The following SIPA1L3 variants were observed in gnomAD, a reference collection of about 807,000 sequenced individuals.
The protein encoded by SIPA1L3 is signal-induced proliferation-associated 1-like protein 3.
A neutral mutation model predicts 150.1 loss-of-function variants in SIPA1L3; 59 were observed. The observed-to-expected ratio is 0.39, with a 90% CI of 0.32 to 0.49. The LOEUF (loss-of-function observed/expected upper bound fraction) is 0.49. Among genes scored for constraint, SIPA1L3 ranks in the 20% least tolerant of loss-of-function variants. The probability of loss-of-function intolerance (pLI) is 0.86; values close to 1 mark genes in which losing one functional copy is unlikely to be tolerated. For synonymous variants in SIPA1L3, 1,070 were observed against 1,077.6 expected, an observed-to-expected ratio of 0.99 and a Z score of 0.14; for missense variants, 2,211 against 2,489.5, an observed-to-expected ratio of 0.89 and a Z score of 2.38.
Position 38,082,493 on chromosome 19 carries a change from C to T in SIPA1L3, c.928C>T (p.Pro310Ser), listed in dbSNP as rs1399743628. Residue 310 changes from proline to serine, a missense_variant, in exon 3 of 22, where the codon CCC (proline) becomes TCC (serine). By Grantham distance (74) the Pro-to-Ser change is moderately conservative. Coordinates refer to ENST00000222345, the MANE Select transcript of SIPA1L3 (RefSeq NM_015073.3). ...CTTTCGGAAGCTAAGGAGCAGCAAACCCGAGGGGGAGGCTGGGCGTTCCCC... is the reference window on the plus strand; with the variant it reads ...CTTTCGGAAGCTAAGGAGCAGCAAATCCGAGGGGGAGGCTGGGCGTTCCCC... ...SIFRKLRSSK[P>S]EGEAGRSPGE... 6.3e-7 allele frequency: 1 copy of T among 1,594,390 alleles called. No homozygotes were observed. Among genetic ancestry groups the T allele is most frequent in the African/African-American group, 1.3e-5 (1 of 74,634 alleles).
intron 2 of SIPA1L3, among the ~76,000 whole-genome samples, chr19:38,074,511 G>A (rs996965215): frequency 6.6e-6 from 1 of 152,232 alleles, no homozygotes; most frequent in African/African-American, 2.4e-5. Flanking sequence ...GACAGGCAGC[G>A]CCCTCAGGCG....
chr19:38,049,137 C>T (rs1969128529), intron 2 of SIPA1L3, among the ~76,000 whole-genome samples: 1 of 152,008 alleles, frequency 6.6e-6, no homozygotes, highest in Non-Finnish European at 1.5e-5. Flanking sequence ...CCAAAGACTA[C>T]TTGTCTGATG....
chr19:38,082,855 C>G lies in SIPA1L3; in HGVS notation c.1290C>G (p.Phe430Leu). ...SNDLLLSCPH[F>L]RNEIGGECER... ...ACCTGCTGCTCAGCTGCCCGCACTT[C>G]CGCAATGAGATCGGGGGCGAGTGTG... The change falls in exon 3 of 22, where the codon TTC becomes TTG. Residue 430 changes from phenylalanine to leucine, a missense_variant. Physicochemically the swap from Phe to Leu is conservative, Grantham distance 22 (BLOSUM62 0). Transcript: ENST00000222345. 1 of 1,613,704 alleles carries G rather than the reference C, an allele frequency of 6.2e-7. No individual in the cohort carries two copies. Among genetic ancestry groups the G allele is most frequent in the Non-Finnish European group, 8.5e-7 (1 of 1,179,922 alleles).
intron 1 of SIPA1L3, among the ~76,000 whole-genome samples, chr19:38,016,198 T>A (rs780305461): frequency 1.1e-4 from 16 of 152,242 alleles, no homozygotes; most frequent in Non-Finnish European, 1.9e-4. Flanking sequence ...GCTAGCCCCA[T>A]CTGGGTTTGT....
At chr19:37,963,539 G>A (rs183137430) in intron 1 of SIPA1L3, among the ~76,000 whole-genome samples, 165 of 152,354 alleles carry the variant, frequency 1.1e-3, no homozygotes, top group African/African-American at 3.9e-3. Flanking sequence ...GCTCTGCCTT[G>A]GTCAAACTGA....
At chr19:37,944,071 G>A (rs2046687009) in intron 1 of SIPA1L3, among the ~76,000 whole-genome samples, 1 of 152,126 alleles carries the variant, frequency 6.6e-6, no homozygotes, top group Middle Eastern at 3.2e-3. Context: ...GAGGTCAGGA[G>A]TTCGAGACCA....
At chr19:38,183,498 A>T (rs1482704143) in intron 16 of SIPA1L3, among the ~76,000 whole-genome samples, 1 of 152,130 alleles carries the variant, frequency 6.6e-6, no homozygotes, top group East Asian at 1.9e-4. Flanking sequence ...AGCCCGGAGG[A>T]CAGACTTGCC....
At chr19:37,977,200 T>G (rs1420690553) in intron 1 of SIPA1L3, among the ~76,000 whole-genome samples, 1 of 152,194 alleles carries the variant, frequency 6.6e-6, no homozygotes, top group Non-Finnish European at 1.5e-5. Flanking sequence ...AGGCTTGCTC[T>G]GTCGCCCAGG....
intron 15 of SIPA1L3, among the ~76,000 whole-genome samples, chr19:38,179,326 C>A (rs1157955913): frequency 6.6e-6 from 1 of 152,198 alleles, no homozygotes; most frequent in East Asian, 1.9e-4. Flanking sequence ...CCCGTAATCC[C>A]AGCTACTCAG....
At chr19:38,167,231 CAAA>C (rs370193698) in intron 15 of SIPA1L3, among the ~76,000 whole-genome samples, 5 of 87,512 alleles carry the variant, frequency 5.7e-5, no homozygotes, top group Non-Finnish European at 6.9e-5. Flanking sequence ...GATTCCATCT[CAAA>C]AAAAAAAAAA....
At chr19:38,195,793 T>TC (rs528922318) in intron 18 of SIPA1L3, among the ~76,000 whole-genome samples, 539 of 19,980 alleles carry the variant, frequency 0.027, 65 homozygotes, top group Admixed American at 0.048. Context: ...ACAGGCCCCG[T>TC]CCCCCCCCGC....
At chr19:38,204,283 C>G (rs975344752) in intron 21 of SIPA1L3, 75 bp downstream of exon 21, 5 of 1,269,446 alleles carry the variant, frequency 3.9e-6, no homozygotes, top group Non-Finnish European at 4.4e-6. Flanking sequence ...GATCAGGCAC[C>G]TGCCCCCGCC....
At chr19:38,044,895 G>T (rs35445607) in intron 2 of SIPA1L3, among the ~76,000 whole-genome samples, 3 of 152,006 alleles carry the variant, frequency 2.0e-5, no homozygotes, top group Admixed American at 1.3e-4. Context: ...CAGGACTGAC[G>T]TGGCATCCCC....
chr19:37,926,877 G>A (rs974331553), intron 1 of SIPA1L3, among the ~76,000 whole-genome samples: 61 of 152,196 alleles, frequency 4.0e-4, no homozygotes, highest in Middle Eastern at 6.8e-3. Context: ...ACACTGTGCC[G>A]GGCCCTTCAC....
chr19:38,080,354 C>T (rs751668895), intron 2 of SIPA1L3, among the ~76,000 whole-genome samples: 3 of 152,168 alleles, frequency 2.0e-5, no homozygotes, highest in African/African-American at 4.8e-5. Context: ...AGTGGCACCT[C>T]AGGGATCCTG....
At chr19:38,168,885 C>T (rs1972264396) in intron 15 of SIPA1L3, among the ~76,000 whole-genome samples, 1 of 152,180 alleles carries the variant, frequency 6.6e-6, no homozygotes, top group Non-Finnish European at 1.5e-5. Context: ...GAAGTTTTCT[C>T]CTAGGCAACC....
chr19:38,153,917 G>A (rs1568579591), intron 13 of SIPA1L3, among the ~76,000 whole-genome samples: 1 of 151,996 alleles, frequency 6.6e-6, no homozygotes, highest in African/African-American at 2.4e-5. Context: ...CTGAGCGACA[G>A]AGCAAGACTC....
intron 15 of SIPA1L3, among the ~76,000 whole-genome samples, chr19:38,177,989 C>T (rs1400265402): frequency 6.6e-6 from 1 of 152,080 alleles, no homozygotes; most frequent in African/African-American, 2.4e-5. Context: ...GATCACACCA[C>T]TGCACTCCAG....
chr19:37,963,650 A>G (rs1361715175), intron 1 of SIPA1L3, among the ~76,000 whole-genome samples: 1 of 152,230 alleles, frequency 6.6e-6, no homozygotes, highest in Non-Finnish European at 1.5e-5. Flanking sequence ...TTTTTGAGTA[A>G]CTGCTTCTTG....
Sources: gnomAD v4.1 joint callset for allele counts (sites outside exome capture counted in the v4.1 genomes callset) on GRCh38, gnomAD v4.1.1 for gene constraint, MANE v1.5 for transcripts, NCBI Gene and HGNC (gene_info 2026-07-23, HGNC 2026-07-21) for gene names.